ZNF678: variants seen among roughly 807,000 people sequenced by gnomAD.
The protein encoded by ZNF678 is zinc finger protein 678, also known as hypothetical protein MGC42493.
In ZNF678, 5 loss-of-function variants were observed where a neutral mutation model predicts 3.0. That is an observed-to-expected ratio of 1.69 (90% CI 0.88 to 3.56). The LOEUF is 3.56. Among genes scored for constraint, ZNF678 ranks in the 30% most tolerant of loss-of-function variants. The probability of loss-of-function intolerance (pLI) is 0.00; values close to 1 mark genes in which losing one functional copy is unlikely to be tolerated. For synonymous variants in ZNF678, 218 were observed against 199.6 expected, an observed-to-expected ratio of 1.09 and a Z score of -0.78; for missense variants, 593 against 605.0, an observed-to-expected ratio of 0.98 and a Z score of 0.21.
At chr1:227,599,950 T>C (rs531693414) in intron 1 of ZNF678, among the ~76,000 whole-genome samples, 76 of 152,360 alleles carry the variant, frequency 5.0e-4, no homozygotes, top group South Asian at 1.4e-3. Flanking sequence ...GTTATTTTTC[T>C]GATTCTCTCC....
At chr1:227,609,692 C>CTA (rs1657966426) in intron 1 of ZNF678, among the ~76,000 whole-genome samples, 1 of 151,936 alleles carries the variant, frequency 6.6e-6, no homozygotes, top group Non-Finnish European at 1.5e-5. Context: ...AGCAAAAATA[C>CTA]TAACAGGATT....
At chr1:227,634,114 C>G (rs1658618290) in intron 1 of ZNF678, among the ~76,000 whole-genome samples, 1 of 152,158 alleles carries the variant, frequency 6.6e-6, no homozygotes, top group Admixed American at 6.5e-5. Flanking sequence ...CATTTCTATA[C>G]ACCCGCTGGG....
chr1:227,597,797 C>G (rs995169950), intron 1 of ZNF678, among the ~76,000 whole-genome samples: 3 of 152,132 alleles, frequency 2.0e-5, no homozygotes, highest in Non-Finnish European at 4.4e-5. Flanking sequence ...AAGGATGACA[C>G]TAAGCTCAGT....
intron 1 of ZNF678, among the ~76,000 whole-genome samples, chr1:227,625,626 G>A (rs3010187): frequency 1.1e-3 from 174 of 152,252 alleles, no homozygotes; most frequent in African/African-American, 3.9e-3. Context: ...GTAGGGTTTC[G>A]GGCCAAGGCT....
At position 227,621,562 on chromosome 1, in the gene ZNF678, T is replaced by C. The variant is rs1658280943; in HGVS notation, c.-163-24982T>C. Among the ~76,000 whole-genome samples, 5 of 152,200 alleles carry C rather than the reference T, an allele frequency of 3.3e-5. No homozygotes were observed. In the South Asian group the frequency reaches 1.0e-3, roughly 32 times the overall value. ...ATTTGTGCTCTAAGCAGAAAACTTA[T>C]CTTTAGGTTTGTCTTCAGCTGCAGA... On this transcript the variant is annotated intron_variant, in intron 1 of 3. Coordinates refer to ENST00000343776, the MANE Select transcript of ZNF678 (RefSeq NM_001367909.1).
rs189151448 is a variant in ZNF678 at position 227,645,835 on chromosome 1, G to A, written c.-163-709G>A. ...CAGTTGATGTTAATTTTATTCACTA[G>A]GTTAAGGTGCTCTCTGACAGATTTC... On this transcript the variant is annotated intron_variant, in intron 1 of 3. Coordinates refer to ENST00000343776, the MANE Select transcript of ZNF678 (RefSeq NM_001367909.1). Among the ~76,000 whole-genome samples, 36 of 152,274 alleles carry A rather than the reference G, an allele frequency of 2.4e-4. No homozygotes were observed. The Middle Eastern group carries it at 0.01, about 43-fold the overall frequency.
At chr1:227,621,039 C>T (rs780261748) in intron 1 of ZNF678, among the ~76,000 whole-genome samples, 13 of 152,112 alleles carry the variant, frequency 8.5e-5, no homozygotes, top group Non-Finnish European at 1.8e-4. Context: ...ATTGCTTAAT[C>T]TCAGGAGTTT....
intron 1 of ZNF678, among the ~76,000 whole-genome samples, chr1:227,628,241 G>T (rs944761289): frequency 3.9e-5 from 6 of 152,220 alleles, no homozygotes; most frequent in African/African-American, 1.4e-4. Context: ...GGTATGCCAT[G>T]TGTTGTAAGC....
intron 1 of ZNF678, among the ~76,000 whole-genome samples, chr1:227,614,617 CCT>C (rs1467575671): frequency 6.6e-6 from 1 of 152,204 alleles, no homozygotes; most frequent in Non-Finnish European, 1.5e-5. Flanking sequence ...TGTTCAGACC[CCT>C]CTTTTTGTAT....
At chr1:227,622,968 G>C (rs993435677) in intron 1 of ZNF678, among the ~76,000 whole-genome samples, 11 of 152,164 alleles carry the variant, frequency 7.2e-5, no homozygotes, top group African/African-American at 2.7e-4. Flanking sequence ...GAACCTCCAG[G>C]CTTGGCTCAG....
intron 1 of ZNF678, among the ~76,000 whole-genome samples, chr1:227,645,656 ATTAG>A (rs1658938278): frequency 6.6e-6 from 1 of 152,146 alleles, no homozygotes; most frequent in African/African-American, 2.4e-5. Flanking sequence ...GGGTCCTTGG[ATTAG>A]TTAAAGGAAA....
rs138967072 is a variant in ZNF678 at position 227,655,449 on chromosome 1, C to G, written c.1199C>G (p.Thr400Ser). ...CTTACTCAACATAGGAGAATTCATA[C>G]TGGAGTGAAACCCTACAAATGTGAA... ...SSLTQHRRIHTGVKPYKCEEC... is the reference protein window; with the variant it reads ...SSLTQHRRIHSGVKPYKCEEC... The change falls in exon 4 of 4, where the codon ACT becomes AGT. Residue 400 changes from threonine to serine, a missense_variant. Coordinates refer to ENST00000343776, the MANE Select transcript of ZNF678 (RefSeq NM_001367909.1). The G allele has an allele frequency of 8.1e-6, 13 of 1,612,428 alleles. No individual in the cohort carries two copies. The highest frequency in any genetic ancestry group is 1.6e-4 in the Middle Eastern group (1 of 6,074).
intron 1 of ZNF678, among the ~76,000 whole-genome samples, chr1:227,643,042 T>A (rs904326695): frequency 3.3e-5 from 5 of 152,262 alleles, no homozygotes; most frequent in Admixed American, 6.5e-5. Flanking sequence ...CCTGTTTTTT[T>A]AAAAAGTAGA....
At position 227,658,188 on chromosome 1, in the gene ZNF678, A is replaced by G. The variant is rs565478456; in HGVS notation, c.*2360A>G. 1.1e-4 allele frequency: 16 copies of G among 152,018 alleles called. No individual in the cohort carries two copies. The highest frequency in any genetic ancestry group is 3.9e-4 in the African/African-American group (16 of 41,512). 9.4% of individuals were successfully genotyped at this position (152,018 alleles called of 1,614,324 possible). On this transcript the variant is annotated 3_prime_UTR_variant, in exon 4 of 4. Transcript: ENST00000343776. ...ACTTGGTTTTTGTTTCCATTTTAAT[A>G]TTTTACATAATTGAATTTTTTTCAC... is the stretch of plus-strand genomic sequence containing the variant.
chr1:227,615,653 G>C (rs1326729111), intron 1 of ZNF678, among the ~76,000 whole-genome samples: 1 of 152,132 alleles, frequency 6.6e-6, no homozygotes, highest in Non-Finnish European at 1.5e-5. Context: ...ACAGGTTTTT[G>C]TTTCCCCAGA....
intron 3 of ZNF678, among the ~76,000 whole-genome samples, chr1:227,651,284 G>A (rs1049722250): frequency 6.6e-6 from 1 of 152,070 alleles, no homozygotes; most frequent in Admixed American, 6.6e-5. Context: ...TGATCTATAG[G>A]GCAGACACTT....
intron 5 of ZNF678, among the ~76,000 whole-genome samples, chr1:227,668,170 G>C (rs1299948748): frequency 1.3e-5 from 2 of 151,784 alleles, no homozygotes; most frequent in African/African-American, 2.4e-5. Flanking sequence ...TCATATCCCT[G>C]AAGTTTTGGG....
intron 1 of ZNF678, among the ~76,000 whole-genome samples, chr1:227,592,430 C>A (rs1231115785): frequency 6.6e-6 from 1 of 152,206 alleles, no homozygotes; most frequent in Admixed American, 6.5e-5. Context: ...AGGCCACTGG[C>A]CTTGGCCAGG....
intron 1 of ZNF678, among the ~76,000 whole-genome samples, chr1:227,575,117 C>T (rs989854452): frequency 1.2e-4 from 19 of 152,036 alleles, no homozygotes; most frequent in African/African-American, 4.6e-4. Flanking sequence ...TGTGTTTGTT[C>T]CAATACCATG....
Sources: gnomAD v4.1 joint callset for allele counts (sites outside exome capture counted in the v4.1 genomes callset) on GRCh38, gnomAD v4.1.1 for gene constraint, MANE v1.5 for transcripts, NCBI Gene and HGNC (gene_info 2026-07-23, HGNC 2026-07-21) for gene names.